Variants in LYZL2 observed in about 807,000 individuals in gnomAD.
LYZL2 encodes the protein lysozyme like 2.
In LYZL2, 13 loss-of-function variants were observed where a neutral mutation model predicts 17.1. The ratio of observed to expected loss-of-function variants is 0.76; its 90% CI spans 0.49 to 1.21. The LOEUF is 1.21. Among genes scored for constraint, LYZL2 ranks in the 50% most tolerant of loss-of-function variants. The probability of loss-of-function intolerance (pLI) is 0.00; values close to 1 mark genes in which losing one functional copy is unlikely to be tolerated. For synonymous variants in LYZL2, 63 were observed against 74.4 expected (o/e 0.85, Z 0.79); for missense variants, 166 against 189.2 (o/e 0.88, Z 0.72).
downstream of LYZL2, among the ~76,000 whole-genome samples, chr10:30,607,005 G>A (rs1333157239): frequency 8.0e-5 from 12 of 150,918 alleles, no homozygotes; most frequent in Admixed American, 2.0e-4. Flanking sequence ...CCACCTCCTG[G>A]ATTCAAGCAA....
At chr10:30,624,905 A>G (rs1410328419) in intron 3 of LYZL2, among the ~76,000 whole-genome samples, 1 of 152,190 alleles carries the variant, frequency 6.6e-6, no homozygotes, top group Non-Finnish European at 1.5e-5. Context: ...GAAAGATTCA[A>G]AGTGTGAAAG....
intron 4 of LYZL2, 103 bp from the exon 5 acceptor site, chr10:30,612,127 C>T: frequency 7.1e-7 from 1 of 1,410,308 alleles, no homozygotes; most frequent in Admixed American, 2.0e-5. Context: ...CAGCGGAACC[C>T]TGGGTTGGGT....
downstream of LYZL2, among the ~76,000 whole-genome samples, chr10:30,606,997 A>G (rs1441080592): frequency 2.1e-5 from 3 of 145,836 alleles, no homozygotes; most frequent in Non-Finnish European, 3.0e-5. Context: ...TGCTGCCTCC[A>G]CCTCCTGGAT....
intron 3 of LYZL2, among the ~76,000 whole-genome samples, chr10:30,618,797 A>T (rs1838574836): frequency 6.6e-6 from 1 of 152,252 alleles, no homozygotes; most frequent in Non-Finnish European, 1.5e-5. Context: ...CACAAAAAGC[A>T]ATGGCAACAA....
intron 3 of LYZL2, among the ~76,000 whole-genome samples, chr10:30,617,994 A>AGTGTG: frequency 6.6e-6 from 1 of 152,102 alleles, no homozygotes; most frequent in African/African-American, 2.4e-5. Flanking sequence ...ATACAAAATC[A>AGTGTG]ATGTGCAAAA....
At chr10:30,628,108 G>A (rs527554010) in intron 1 of LYZL2, among the ~76,000 whole-genome samples, 5 of 152,012 alleles carry the variant, frequency 3.3e-5, no homozygotes, top group Admixed American at 2.0e-4. Context: ...TGCAGTGAGC[G>A]GAGATTGCGC....
chr10:30,620,270 T>G (rs1838599443), intron 3 of LYZL2, among the ~76,000 whole-genome samples: 1 of 152,216 alleles, frequency 6.6e-6, no homozygotes. Flanking sequence ...ACTGAGTAAG[T>G]GCACCAAGAG....
chr10:30,612,815 C>T lies in LYZL2; in HGVS notation c.377+7G>A. 6.2e-7 allele frequency: 1 copy of T among 1,607,484 alleles called. No homozygotes were observed. The highest frequency in any genetic ancestry group is 8.5e-7 in the Non-Finnish European group (1 of 1,174,004). ...ACAGCCCAAGTCTTCCAAGGAAAGACTCTTACCAATAGTTCATTCCTTGTG... is the reference window on the plus strand; with the variant it reads ...ACAGCCCAAGTCTTCCAAGGAAAGATTCTTACCAATAGTTCATTCCTTGTG... On this transcript the variant is annotated splice_region_variant and intron_variant, in intron 4 of 4. Transcript: ENST00000647634.
At chr10:30,628,260 A>T (rs983519169) in intron 1 of LYZL2, among the ~76,000 whole-genome samples, 11 of 152,158 alleles carry the variant, frequency 7.2e-5, no homozygotes, top group East Asian at 1.9e-4. Context: ...ATGTGGGAGC[A>T]TTGCTTCCAA....
intron 3 of LYZL2, among the ~76,000 whole-genome samples, chr10:30,618,322 C>A (rs1264420014): frequency 6.6e-6 from 1 of 152,196 alleles, no homozygotes; most frequent in African/African-American, 2.4e-5. Flanking sequence ...TTGGAAAAAA[C>A]TACTTTAAAG....
chr10:30,619,688 G>A (rs183176987), intron 3 of LYZL2, among the ~76,000 whole-genome samples: 4 of 143,984 alleles, frequency 2.8e-5, no homozygotes, highest in Non-Finnish European at 6.1e-5. Context: ...GGGGTGGGGG[G>A]AGGCGGGAGG....
chr10:30,606,505 C>T, the LYZL2 span, among the ~76,000 whole-genome samples: 1 of 152,040 alleles, frequency 6.6e-6, no homozygotes. Flanking sequence ...AGGCATGCAC[C>T]TCCATCCCCA....
At chr10:30,606,634 G>A in the LYZL2 span, among the ~76,000 whole-genome samples, 29 of 152,228 alleles carry the variant, frequency 1.9e-4, no homozygotes, top group African/African-American at 6.7e-4. Flanking sequence ...TTTACAGGAG[G>A]TGAAACACAG....
intron 1 of LYZL2, among the ~76,000 whole-genome samples, chr10:30,627,331 C>T (rs958676043): frequency 3.3e-5 from 5 of 151,658 alleles, no homozygotes; most frequent in African/African-American, 1.2e-4. Context: ...GTTTGAACTG[C>T]GTGGGTCCAT....
downstream of LYZL2, among the ~76,000 whole-genome samples, chr10:30,610,839 A>G (rs1173327503): frequency 6.6e-6 from 1 of 152,210 alleles, no homozygotes; most frequent in Non-Finnish European, 1.5e-5. Context: ...AAAATACAGA[A>G]AATACAACTA....
At chr10:30,606,816 G>A (rs1838381986), downstream of LYZL2, among the ~76,000 whole-genome samples, 1 of 151,908 alleles carries the variant, frequency 6.6e-6, no homozygotes, top group Admixed American at 6.6e-5. Flanking sequence ...CATGTTTTGG[G>A]TTTTTCAGTA....
intron 3 of LYZL2, among the ~76,000 whole-genome samples, chr10:30,616,169 C>G (rs1411620446): frequency 1.3e-5 from 2 of 152,158 alleles, no homozygotes; most frequent in Non-Finnish European, 1.5e-5. Context: ...GTTGCTTTCT[C>G]AGTTAGGCTT....
At chr10:30,622,812 C>T (rs2132946745) in intron 3 of LYZL2, among the ~76,000 whole-genome samples, 1 of 152,310 alleles carries the variant, frequency 6.6e-6, no homozygotes, top group African/African-American at 2.4e-5. Flanking sequence ...TTTAGGCAAA[C>T]ATTTGCTGAC....
chr10:30,606,761 T>A, the LYZL2 span, among the ~76,000 whole-genome samples: 1 of 152,044 alleles, frequency 6.6e-6, no homozygotes, highest in Non-Finnish European at 1.5e-5. Flanking sequence ...AGCTATCAAC[T>A]TTGCTCTATC....
Sources: gnomAD v4.1 joint callset for allele counts (sites outside exome capture counted in the v4.1 genomes callset) on GRCh38, gnomAD v4.1.1 for gene constraint, MANE v1.5 for transcripts, NCBI Gene and HGNC (gene_info 2026-07-23, HGNC 2026-07-21) for gene names.